OTULINL: variants seen among roughly 807,000 people sequenced by gnomAD.
The protein encoded by OTULINL is inactive ubiquitin thioesterase OTULINL.
A neutral mutation model predicts 43.9 loss-of-function variants in OTULINL; 42 were observed. The ratio of observed to expected loss-of-function variants is 0.96; its 90% CI spans 0.75 to 1.24. OTULINL has a LOEUF of 1.24. Among genes scored for constraint, OTULINL ranks in the 50% most tolerant of loss-of-function variants. The probability of loss-of-function intolerance (pLI) is 0.00; values close to 1 mark genes in which losing one functional copy is unlikely to be tolerated. For missense variants in OTULINL, 411 were observed against 426.4 expected, an observed-to-expected ratio of 0.96 and a Z score of 0.32; for synonymous variants, 172 against 153.6, an observed-to-expected ratio of 1.12 and a Z score of -0.88.
Position 14,602,316 on chromosome 5 carries a change from A to C in OTULINL, c.482A>C (p.Glu161Ala), listed in dbSNP as rs1482007378. 6.2e-7 allele frequency: 1 copy of C among 1,613,572 alleles called. No homozygotes were observed. The highest frequency in any genetic ancestry group is 8.5e-7 in the Non-Finnish European group (1 of 1,179,798). Residue 161 changes from glutamate to alanine, a missense_variant, in exon 5 of 8, where the codon GAA (glutamate) becomes GCA (alanine). Transcript: ENST00000274217. ...ATCTCTTTTCCATCATGGATGAAAG[A>C]AAAGGACATTGTTAAGGTATGTCTT... ...QGISFPSWMK[E>A]KDIVKLPEKL...
intron 4 of OTULINL, 86 bp downstream of exon 4, chr5:14,601,528 C>T: frequency 8.3e-7 from 1 of 1,210,220 alleles, no homozygotes; most frequent in South Asian, 1.4e-5. Flanking sequence ...TTTACTAAAT[C>T]CAGATATCCA....
intron 1 of OTULINL, among the ~76,000 whole-genome samples, chr5:14,597,980 A>C (rs192530720): frequency 5.3e-4 from 80 of 152,234 alleles, no homozygotes; most frequent in African/African-American, 1.5e-3. Flanking sequence ...TAGGAAGAGT[A>C]TATGTGAGTG....
chr5:14,608,715 CCTT>C (rs764712957), intron 6 of OTULINL, 30 bp from the exon 7 acceptor site: 1 of 1,545,084 alleles, frequency 6.5e-7, no homozygotes. Flanking sequence ...TCACCTTTAT[CCTT>C]CTGAATTTCA....
At chr5:14,599,873 A>G (rs1759354249) in intron 1 of OTULINL, among the ~76,000 whole-genome samples, 1 of 152,224 alleles carries the variant, frequency 6.6e-6, no homozygotes, top group South Asian at 2.1e-4. Flanking sequence ...CATATGCAGC[A>G]TCACTAAATA....
At chr5:14,609,555 TGTA>T (rs910490607) in intron 7 of OTULINL, among the ~76,000 whole-genome samples, 5 of 152,080 alleles carry the variant, frequency 3.3e-5, no homozygotes, top group Non-Finnish European at 5.9e-5. Context: ...TGGAAAATAA[TGTA>T]GTTTTTATCA....
intron 5 of OTULINL, among the ~76,000 whole-genome samples, chr5:14,606,153 A>ATG (rs1176614939): frequency 1.3e-5 from 2 of 152,212 alleles, no homozygotes; most frequent in Non-Finnish European, 2.9e-5. Flanking sequence ...CCTCACAATC[A>ATG]TGGCGGAAGT....
intron 1 of OTULINL, among the ~76,000 whole-genome samples, chr5:14,597,421 G>A (rs2126777271): frequency 6.6e-6 from 1 of 152,290 alleles, no homozygotes; most frequent in East Asian, 1.9e-4. Context: ...CATATCACAT[G>A]CTGCAGTATG....
intron 7 of OTULINL, 78 bp downstream of exon 7, chr5:14,609,095 A>G: frequency 6.8e-7 from 1 of 1,466,136 alleles, no homozygotes. Flanking sequence ...GTCTGGGGTG[A>G]CTTTTCAGTG....
rs942755777 is a variant in OTULINL, at chr5:14,608,753, T to C, written c.633T>C (p.Thr211=). 1 of 1,598,826 alleles carries C rather than the reference T, an allele frequency of 6.3e-7. No individual in the cohort carries two copies. The highest frequency in any genetic ancestry group is 8.6e-7 in the Non-Finnish European group (1 of 1,168,880). ...ACTTTTACATCTGTTTTTAGTGGACTGAATTTAATGGCATTAGAGATTATC... is the reference window on the plus strand; with the variant it reads ...ACTTTTACATCTGTTTTTAGTGGACCGAATTTAATGGCATTAGAGATTATC... ...KYVELLKTQW[T]EFNGIRDYHK... Residue 211 remains threonine, a synonymous_variant, in exon 7 of 8, where the codon ACT becomes ACC. Coordinates refer to ENST00000274217, the MANE Select transcript of OTULINL (RefSeq NM_019018.3).
At chr5:14,603,105 CT>C (rs1172400022) in intron 5 of OTULINL, among the ~76,000 whole-genome samples, 1 of 152,162 alleles carries the variant, frequency 6.6e-6, no homozygotes, top group Non-Finnish European at 1.5e-5. Context: ...AATCTGGTTT[CT>C]TTCACTTAGC....
At position 14,614,939 on chromosome 5, in the gene OTULINL, A is replaced by G. The variant is rs1190408865; in HGVS notation, c.*4625A>G. On this transcript the variant is annotated 3_prime_UTR_variant, in exon 8 of 8. Coordinates refer to ENST00000274217, the MANE Select transcript of OTULINL (RefSeq NM_019018.3). Reference sequence around the variant, plus strand: ...CCAGACCAGTGAGAGTCACTCACTTATTTGTAATGATTCTTGGGAAGTTTA... The same window carrying G: ...CCAGACCAGTGAGAGTCACTCACTTGTTTGTAATGATTCTTGGGAAGTTTA... The G allele has an allele frequency of 1.0e-5, 4 of 395,370 alleles. No homozygotes were observed. The highest frequency in any genetic ancestry group is 1.8e-5 in the Non-Finnish European group (4 of 224,626). 24.5% of individuals were successfully genotyped at this position (395,370 alleles called of 1,614,324 possible).
chr5:14,593,173 C>G (rs1759233783), intron 1 of OTULINL, among the ~76,000 whole-genome samples: 1 of 151,908 alleles, frequency 6.6e-6, no homozygotes, highest in Non-Finnish European at 1.5e-5. Flanking sequence ...GAATAATGAT[C>G]AAAGTTGATC....
At chr5:14,602,930 A>T (rs1759413694) in intron 5 of OTULINL, among the ~76,000 whole-genome samples, 1 of 152,222 alleles carries the variant, frequency 6.6e-6, no homozygotes, top group Non-Finnish European at 1.5e-5. Context: ...GAGAGTTTTA[A>T]TAAATGCATA....
At position 14,610,941 on chromosome 5, in the gene OTULINL, T is replaced by G. The variant is rs1052792663; in HGVS notation, c.*627T>G. On this transcript the variant is annotated 3_prime_UTR_variant, in exon 8 of 8. Transcript: ENST00000274217. ...ACAGAGAACCACTACTTTGTAATAGTGTACAGTTTGTTTTATATCTCTTTA... is the reference window on the plus strand; with the variant it reads ...ACAGAGAACCACTACTTTGTAATAGGGTACAGTTTGTTTTATATCTCTTTA... 1 of 152,224 alleles carries G rather than the reference T, an allele frequency of 6.6e-6. No homozygotes were observed. The highest frequency in any genetic ancestry group is 1.9e-4 in the East Asian group (1 of 5,204). The allele number at this position is 152,224 out of a possible 1,614,324, so 9.4% of individuals were successfully genotyped here.
Position 14,602,265 on chromosome 5 carries a change from T to A in OTULINL, c.431T>A (p.Val144Glu). The change falls in exon 5 of 8, where the codon GTG becomes GAG. Residue 144 changes from valine to glutamate, a missense_variant. Transcript: ENST00000274217. ...RRDNYDALRS[V>E]LFQIFSQGIS... ...GATAACTATGATGCTCTCAGATCAG[T>A]GTTATTTCAGATATTCAGCCAGGGC... 6.2e-7 allele frequency: 1 copy of A among 1,613,486 alleles called. No individual in the cohort carries two copies. The highest frequency in any genetic ancestry group is 8.5e-7 in the Non-Finnish European group (1 of 1,179,474).
rs939314599 is a variant in OTULINL, at chr5:14,614,072, G to C, written c.*3758G>C. Among the ~76,000 whole-genome samples the C allele has an allele frequency of 7.2e-5, 11 of 152,258 alleles. No individual in the cohort carries two copies. The highest frequency in any genetic ancestry group is 6.5e-4 in the Admixed American group (10 of 15,300). On this transcript the variant is annotated 3_prime_UTR_variant, in exon 8 of 8. Transcript: ENST00000274217. ...AAAATATATGCAAGCATGAATAAAG[G>C]GTTGACTAATTCCAGAATTAGCAAT...
At chr5:14,584,298 CATTTCAGCCATG>C (rs1334578150) in intron 1 of OTULINL, among the ~76,000 whole-genome samples, 4 of 152,158 alleles carry the variant, frequency 2.6e-5, no homozygotes, top group African/African-American at 9.7e-5. Flanking sequence ...GTAACATTCA[CATTTCAGCCATG>C]ATTTCAGGAA....
intron 1 of OTULINL, among the ~76,000 whole-genome samples, chr5:14,582,723 G>A (rs1363400067): frequency 6.8e-6 from 1 of 148,116 alleles, no homozygotes; most frequent in Non-Finnish European, 1.5e-5. Context: ...GCTGAGGCCG[G>A]AGAATTGCTT....
At chr5:14,609,447 T>C (rs926848384) in intron 7 of OTULINL, among the ~76,000 whole-genome samples, 36 of 152,258 alleles carry the variant, frequency 2.4e-4, no homozygotes, top group Non-Finnish European at 1.0e-4. Flanking sequence ...GAGTTTCTTT[T>C]TTGTTTTGCT....
Sources: allele counts gnomAD v4.1 joint callset (sites outside exome capture counted in the v4.1 genomes callset), GRCh38; gene constraint gnomAD v4.1.1; transcripts MANE v1.5; gene names NCBI Gene and HGNC (gene_info 2026-07-23, HGNC 2026-07-21).